Variants in FAM169A observed in about 807,000 individuals in gnomAD.
The protein encoded by FAM169A is soluble lamin-associated protein of 75 kDa.
Under a neutral mutation model 75.7 loss-of-function variants are expected in FAM169A, and 24 were observed. The observed-to-expected ratio is 0.32, with a 90% confidence interval of 0.23 to 0.45. FAM169A has a LOEUF of 0.45. Ranked by LOEUF, FAM169A falls within the 20% of genes least tolerant of loss-of-function variation. FAM169A has a pLI of 1.00. For synonymous variants in FAM169A, 271 were observed against 271.0 expected (o/e 1.00, Z 0.00); for missense variants, 673 against 784.0 (o/e 0.86, Z 1.69).
chr5:74,785,857 C>T (rs1289336716), intron 11 of FAM169A, among the ~76,000 whole-genome samples: 2 of 152,194 alleles, frequency 1.3e-5, no homozygotes, highest in African/African-American at 2.4e-5. Context: ...AAATGGCCAA[C>T]AAACATGGAA....
At chr5:74,825,554 T>G (rs1747977781) in intron 5 of FAM169A, among the ~76,000 whole-genome samples, 1 of 152,152 alleles carries the variant, frequency 6.6e-6, no homozygotes, top group Admixed American at 6.6e-5. Context: ...TTCTTGATTT[T>G]CTTTATCTTA....
At chr5:74,786,009 C>G (rs1289444772) in intron 11 of FAM169A, among the ~76,000 whole-genome samples, 1 of 152,180 alleles carries the variant, frequency 6.6e-6, no homozygotes, top group Non-Finnish European at 1.5e-5. Context: ...CACCCTCAAT[C>G]TGGGTGGGCA....
chr5:74,793,819 T>C (rs984011831), intron 11 of FAM169A, among the ~76,000 whole-genome samples: 1 of 151,116 alleles, frequency 6.6e-6, no homozygotes, highest in African/African-American at 2.4e-5. Flanking sequence ...CTGGCTAACA[T>C]AGTGAAACCC....
In FAM169A at chr5:74,781,076, C is replaced by T. The variant is rs994397867; in HGVS notation, c.*384G>A. On this transcript the variant is annotated 3_prime_UTR_variant, in exon 13 of 13. Coordinates refer to ENST00000687041, the MANE Select transcript of FAM169A (RefSeq NM_001376049.1). ...CTTCTAGAACCCTCACCAAGTTTTA[C>T]TATTAAAACCCTTAGTATAAAAGAT... 1 of 162,044 alleles carries T rather than the reference C, an allele frequency of 6.2e-6. No homozygotes were observed. The highest frequency in any genetic ancestry group is 2.4e-5 in the African/African-American group (1 of 41,790). 10.0% of individuals were successfully genotyped at this position (162,044 alleles called of 1,614,324 possible).
chr5:74,846,855 G>A (rs180724619), intron 1 of FAM169A, among the ~76,000 whole-genome samples: 1 of 152,278 alleles, frequency 6.6e-6, no homozygotes, highest in African/African-American at 2.4e-5. Context: ...GTTAGCCACT[G>A]TGCGTGGTCC....
Position 74,840,526 on chromosome 5 carries a change from T to TA in FAM169A, c.133-354dup, listed in dbSNP as rs35670470. ...TGAGGAAGATATTCCATTATCTAGT[T>TA]AAAAAAAAAAAAAAAAAGCAGGCCG... is the stretch of plus-strand genomic sequence containing the variant. On this transcript the variant is annotated intron_variant, in intron 2 of 12. Transcript: ENST00000687041. Among the ~76,000 whole-genome samples, 424 of 122,512 alleles carry TA rather than the reference T, an allele frequency of 3.5e-3. 2 individuals carry two copies. The highest frequency in any genetic ancestry group is 7.1e-3 in the African/African-American group (242 of 33,996). 80.4% of individuals were successfully genotyped at this position (122,512 alleles called of 152,430 possible). A position where few individuals can be genotyped will look rare whatever the true frequency, so the allele number is the denominator to read the frequency against.
chr5:74,799,271 T>C (rs1746440114), intron 10 of FAM169A: 12 of 1,542,902 alleles, frequency 7.8e-6, no homozygotes, highest in Non-Finnish European at 1.1e-5. Flanking sequence ...CTGATGATCC[T>C]GAGAATTAAT....
chr5:74,847,943 C>A (rs1320974546), intron 1 of FAM169A, among the ~76,000 whole-genome samples: 1 of 152,034 alleles, frequency 6.6e-6, no homozygotes, highest in African/African-American at 2.4e-5. Context: ...CAGAAGAGCA[C>A]CAGGGGAGAA....
chr5:74,841,334 T>C (rs1445630316), intron 2 of FAM169A, among the ~76,000 whole-genome samples: 1 of 152,180 alleles, frequency 6.6e-6, no homozygotes, highest in African/African-American at 2.4e-5. Context: ...ACATATAATT[T>C]TAAAGCCATA....
chr5:74,831,533 G>A (rs756095125), intron 5 of FAM169A, among the ~76,000 whole-genome samples: 10 of 152,088 alleles, frequency 6.6e-5, no homozygotes, highest in Non-Finnish European at 1.3e-4. Context: ...ATTTTGGGGG[G>A]AATGTTGGAA....
chr5:74,813,333 AT>A lies in FAM169A; in HGVS notation c.670+506del, dbSNP rs879904629. 5.4e-3 allele frequency among the ~76,000 whole-genome samples: 778 copies of A among 144,168 alleles called. 6 individuals are homozygous for A. Among genetic ancestry groups the A allele is most frequent in the African/African-American group, 0.014 (545 of 39,576 alleles). 94.6% of individuals were successfully genotyped at this position (144,168 alleles called of 152,430 possible). A position where few individuals can be genotyped will look rare whatever the true frequency, so the allele number is the denominator to read the frequency against. ...CATATGTTGTTTTGTTTGGTTTGGG[AT>A]TTTTTTTTTTTAGATGGAGTCCTGC... is the stretch of plus-strand genomic sequence containing the variant. On this transcript the variant is annotated intron_variant, in intron 6 of 12. Coordinates refer to ENST00000687041, the MANE Select transcript of FAM169A (RefSeq NM_001376049.1).
intron 1 of FAM169A, among the ~76,000 whole-genome samples, chr5:74,842,010 A>T (rs1748891578): frequency 6.6e-6 from 1 of 152,130 alleles, no homozygotes; most frequent in East Asian, 1.9e-4. Context: ...CTCATAAACC[A>T]CTCAACATAA....
chr5:74,814,632 G>A (rs984691267), intron 5 of FAM169A, among the ~76,000 whole-genome samples: 6 of 152,096 alleles, frequency 3.9e-5, no homozygotes, highest in African/African-American at 1.4e-4. Flanking sequence ...TAGATACAAT[G>A]CTAAATACAT....
intron 10 of FAM169A, among the ~76,000 whole-genome samples, chr5:74,796,780 C>T (rs1746300748): frequency 6.6e-6 from 1 of 151,826 alleles, no homozygotes; most frequent in Non-Finnish European, 1.5e-5. Flanking sequence ...AGCATATATC[C>T]CAGTTTACCT....
intron 1 of FAM169A, among the ~76,000 whole-genome samples, chr5:74,849,732 T>TA (rs1313935786): frequency 6.6e-6 from 1 of 152,156 alleles, no homozygotes; most frequent in Non-Finnish European, 1.5e-5. Context: ...CTAATCCCTT[T>TA]ACCTTACTTT....
rs763486683 is a variant in FAM169A at position 74,834,492 on chromosome 5, T to C, written c.424A>G (p.Thr142Ala). The stretch of plus-strand genomic sequence containing the variant: ...TTCCACAGAATCTTAGCATAATCAG[T>C]ACTGCTATGACACAGGAATGGGATC... Reference protein sequence around the residue: ...NEIPFLCHSSTDYAKILWKKG... With the variant: ...NEIPFLCHSSADYAKILWKKG... The change falls in exon 5 of 13, where the codon ACT (threonine) becomes GCT (alanine). Residue 142 changes from threonine to alanine, a missense_variant. Around this residue, in one of 3 missense-constraint regions of FAM169A, gnomAD observed 107 missense variants for 180.8 expected, o/e 0.59. Transcript: ENST00000687041. 10 of 1,603,538 alleles carry C rather than the reference T, an allele frequency of 6.2e-6. No homozygotes were observed. The highest frequency in any genetic ancestry group is 5.2e-5 in the Admixed American group (3 of 57,882).
At chr5:74,854,301 A>C (rs1291095252) in intron 1 of FAM169A, among the ~76,000 whole-genome samples, 1 of 152,108 alleles carries the variant, frequency 6.6e-6, no homozygotes, top group African/African-American at 2.4e-5. Flanking sequence ...AGGCTGAGGC[A>C]GGAGAACTGC....
intron 5 of FAM169A, among the ~76,000 whole-genome samples, chr5:74,830,258 C>T (rs1274452012): frequency 1.3e-5 from 2 of 152,072 alleles, no homozygotes; most frequent in East Asian, 3.8e-4. Flanking sequence ...TATAAAACTA[C>T]CTATAATATA....
At chr5:74,797,115 G>A (rs1746318374) in intron 10 of FAM169A, among the ~76,000 whole-genome samples, 1 of 152,240 alleles carries the variant, frequency 6.6e-6, no homozygotes. Flanking sequence ...GAAACGTCTG[G>A]TGGTTCTCTA....
Sources: gnomAD v4.1 joint callset for allele counts (sites outside exome capture counted in the v4.1 genomes callset) on GRCh38, gnomAD v4.1.1 for gene constraint, gnomAD v4.1.1 regional missense constraint, MANE v1.5 for transcripts, NCBI Gene and HGNC (gene_info 2026-07-23, HGNC 2026-07-21) for gene names.